The following MARK2 variants were observed in gnomAD, a reference collection of about 807,000 sequenced individuals.
MARK2 encodes the protein microtubule affinity regulating kinase 2.
In MARK2, 16 loss-of-function variants were observed where a neutral mutation model predicts 89.8. The ratio of observed to expected loss-of-function variants is 0.18; its 90% CI spans 0.12 to 0.27. The LOEUF (loss-of-function observed/expected upper bound fraction) is 0.27, where lower values mean the gene tolerates loss of function less well. Among genes scored for constraint, MARK2 ranks in the 10% least tolerant of loss-of-function variants. MARK2 has a pLI of 1.00. For synonymous variants in MARK2, 382 were observed against 399.5 expected, an observed-to-expected ratio of 0.96 and a Z score of 0.52; for missense variants, 621 against 1,049.9, an observed-to-expected ratio of 0.59 and a Z score of 5.65.
intron 1 of MARK2, chr11:63,888,462 G>A: frequency 1.1e-6 from 1 of 946,200 alleles, no homozygotes; most frequent in Non-Finnish European, 1.3e-6. Context: ...GCACCTTGGG[G>A]AGGGTGGGGC....
chr11:63,860,231 C>T (rs779951720), intron 1 of MARK2, among the ~76,000 whole-genome samples: 18 of 152,162 alleles, frequency 1.2e-4, no homozygotes, highest in Non-Finnish European at 2.4e-4. Flanking sequence ...CTCTAATAGT[C>T]ACTTTGACCA....
intron 1 of MARK2, among the ~76,000 whole-genome samples, chr11:63,865,806 G>T (rs894119559): frequency 6.6e-6 from 1 of 152,184 alleles, no homozygotes; most frequent in African/African-American, 2.4e-5. Flanking sequence ...ATAGATTTGG[G>T]CCAGGTAAGT....
At chr11:63,861,924 C>CTTTTT (rs71039682) in intron 1 of MARK2, among the ~76,000 whole-genome samples, 1 of 97,682 alleles carries the variant, frequency 1.0e-5, no homozygotes, top group African/African-American at 4.4e-5. Flanking sequence ...TTCTTTCTTT[C>CTTTTT]TTTTTTTTTT....
intron 1 of MARK2, among the ~76,000 whole-genome samples, chr11:63,879,561 C>T (rs1938971090): frequency 6.6e-6 from 1 of 151,660 alleles, no homozygotes; most frequent in Admixed American, 6.6e-5. Flanking sequence ...AACTTAGGTG[C>T]CCTCTCCTGC....
intron 3 of MARK2, among the ~76,000 whole-genome samples, chr11:63,897,275 A>C (rs1457962118): frequency 4.6e-5 from 7 of 152,138 alleles, no homozygotes; most frequent in Non-Finnish European, 8.8e-5. Context: ...TTGCCTCTCC[A>C]TCCAAAATAT....
Position 63,904,738 on chromosome 11 carries a change from G to T in MARK2, c.1677-48G>T. 1 of 1,586,860 alleles carries T rather than the reference G, an allele frequency of 6.3e-7. No individual in the cohort carries two copies. On this transcript the variant is annotated intron_variant, in intron 15 of 18. Coordinates refer to ENST00000402010, the MANE Select transcript of MARK2 (RefSeq NM_001039469.3). This position sits in a 1 kb window ranked among gnomAD's most constrained non-coding sequence, Gnocchi z 6.3. ...GGTGTCCAGGTGCCCAGTGATGGCT[G>T]TCCTGTACCCTAATTCGTCCCCCTC...
intron 1 of MARK2, among the ~76,000 whole-genome samples, chr11:63,878,359 CTTTTTTTTTTTT>C (rs59251368): frequency 1.1e-3 from 81 of 72,764 alleles, no homozygotes; most frequent in African/African-American, 4.8e-3. Context: ...TTGTTCAAGT[CTTTTTTTTTTTT>C]TTTTTTTTTT....
At chr11:63,895,657 CCTTTT>C in intron 3 of MARK2, 24 bp downstream of exon 3, 1 of 1,420,778 alleles carries the variant, frequency 7.0e-7, no homozygotes, top group African/African-American at 1.6e-5. Flanking sequence ...ACCTCCTGTC[CCTTTT>C]TTTTTTTTTT....
At chr11:63,854,081 C>T (rs1290828184) in intron 1 of MARK2, among the ~76,000 whole-genome samples, 1 of 151,468 alleles carries the variant, frequency 6.6e-6, no homozygotes, top group African/African-American at 2.4e-5. Flanking sequence ...CCACGTTGGC[C>T]GGGCTGGTCT....
chr11:63,877,152 G>A (rs1416343063), intron 1 of MARK2, among the ~76,000 whole-genome samples: 3 of 131,496 alleles, frequency 2.3e-5, no homozygotes, highest in South Asian at 2.4e-4. Flanking sequence ...CTCTGTCAAC[G>A]AGGCTGGAGT....
intron 1 of MARK2, among the ~76,000 whole-genome samples, chr11:63,865,381 G>A (rs1451521881): frequency 6.6e-6 from 1 of 152,196 alleles, no homozygotes; most frequent in Non-Finnish European, 1.5e-5. Context: ...TGGGACCACA[G>A]GTGCTCTTTT....
chr11:63,895,394 C>G (rs1050544625), intron 2 of MARK2, 56 bp downstream of exon 2: 1 of 1,570,808 alleles, frequency 6.4e-7, no homozygotes. Flanking sequence ...GACACTCCAG[C>G]AGGTGGTGAT....
In MARK2 at chr11:63,895,651, C is replaced by T; in HGVS notation, c.288+18C>T. Reference sequence around the variant, plus strand: ...TCCAGAAAGTAAGCACATGGCACCTCCTGTCCCTTTTTTTTTTTTTTTTTT... The same window carrying T: ...TCCAGAAAGTAAGCACATGGCACCTTCTGTCCCTTTTTTTTTTTTTTTTTT... On this transcript the variant is annotated intron_variant, in intron 3 of 18. Coordinates refer to ENST00000402010, the MANE Select transcript of MARK2 (RefSeq NM_001039469.3). 3 of 1,541,276 alleles carry T rather than the reference C, an allele frequency of 1.9e-6. No homozygotes were observed. The highest frequency in any genetic ancestry group is 2.7e-6 in the Non-Finnish European group (3 of 1,127,488).
At position 63,895,161 on chromosome 11, in the gene MARK2, C is replaced by T. The variant is rs1452284855; in HGVS notation, c.57C>T (p.Pro19=). 1 of 1,611,728 alleles carries T rather than the reference C, an allele frequency of 6.2e-7. No individual in the cohort carries two copies. Among genetic ancestry groups the T allele is most frequent in the Admixed American group, 1.7e-5 (1 of 59,774 alleles). ...PTLNERDTEQ[P]TLGHLDSKPS... is the part of the protein sequence containing the mutation. Reference sequence around the variant, plus strand: ...GTATCTCTGTTTCCACCCCGCAGCCCACCTTGGGACACCTTGACTCCAAGC... The same window carrying T: ...GTATCTCTGTTTCCACCCCGCAGCCTACCTTGGGACACCTTGACTCCAAGC... Residue 19 remains proline (P), a splice_region_variant and synonymous_variant, in exon 2 of 19, where the codon CCC becomes CCT. Coordinates refer to ENST00000402010, the MANE Select transcript of MARK2 (RefSeq NM_001039469.3).
chr11:63,847,585 G>A (rs2016346339), intron 1 of MARK2, among the ~76,000 whole-genome samples: 1 of 152,158 alleles, frequency 6.6e-6, no homozygotes, highest in Non-Finnish European at 1.5e-5. Context: ...GCCTCCTTTG[G>A]GGCTGTGTTC....
intron 1 of MARK2, among the ~76,000 whole-genome samples, chr11:63,860,258 T>G (rs1488661459): frequency 2.6e-5 from 4 of 152,080 alleles, no homozygotes; most frequent in Admixed American, 6.6e-5. Flanking sequence ...AGCAAATCTT[T>G]TAAAACTCAT....
chr11:63,850,315 A>ATTTTTTTTTTTT (rs34074167), intron 1 of MARK2, among the ~76,000 whole-genome samples: 138 of 95,764 alleles, frequency 1.4e-3, no homozygotes, highest in African/African-American at 2.6e-3. Context: ...TACCTGGCTA[A>ATTTTTTTTTTTT]TTTTTTTTTT....
At chr11:63,878,604 C>T (rs539517128) in intron 1 of MARK2, among the ~76,000 whole-genome samples, 5 of 151,982 alleles carry the variant, frequency 3.3e-5, no homozygotes, top group Non-Finnish European at 5.9e-5. Context: ...CTCCTGACCT[C>T]GTGATCCACC....
chr11:63,848,252 C>T (rs1255886672), intron 1 of MARK2, among the ~76,000 whole-genome samples: 1 of 152,192 alleles, frequency 6.6e-6, no homozygotes, highest in Non-Finnish European at 1.5e-5. Context: ...TAGACCTTGT[C>T]CTTGGGGGCT....
Sources: allele counts gnomAD v4.1 joint callset (sites outside exome capture counted in the v4.1 genomes callset), GRCh38; gene constraint gnomAD v4.1.1; non-coding constraint Gnocchi (gnomAD v3.1); transcripts MANE v1.5; gene names NCBI Gene and HGNC (gene_info 2026-07-23, HGNC 2026-07-21).